The following SEC14L1 variants were observed in gnomAD, a reference collection of about 807,000 sequenced individuals.
The protein encoded by SEC14L1 is SEC14-like protein 1.
In SEC14L1, 48 loss-of-function variants were observed where a neutral mutation model predicts 85.3. The ratio of observed to expected loss-of-function variants is 0.56; its 90% CI spans 0.45 to 0.72. The LOEUF (loss-of-function observed/expected upper bound fraction) is 0.72. Ranked by LOEUF, SEC14L1 falls within the 30% of genes least tolerant of loss-of-function variation. The pLI, the probability that SEC14L1 is intolerant of heterozygous loss-of-function variation, is 0.00. For synonymous variants in SEC14L1, 391 were observed against 355.5 expected (o/e 1.10, Z -1.12); for missense variants, 682 against 921.4 (o/e 0.74, Z 3.36).
intron 3 of SEC14L1, among the ~76,000 whole-genome samples, chr17:77,134,413 C>T (rs1209413851): frequency 1.3e-5 from 2 of 152,122 alleles, no homozygotes; most frequent in Non-Finnish European, 2.9e-5. Context: ...CCATGACCAG[C>T]TAAATTTTAA....
intron 3 of SEC14L1, among the ~76,000 whole-genome samples, chr17:77,145,304 A>C (rs1973252414): frequency 6.6e-6 from 1 of 152,238 alleles, no homozygotes; most frequent in East Asian, 1.9e-4. Context: ...TATAATTTAC[A>C]TACAGTGAAA....
intron 9 of SEC14L1, among the ~76,000 whole-genome samples, chr17:77,202,348 G>A (rs1158161889): frequency 1.3e-5 from 2 of 152,042 alleles, no homozygotes; most frequent in African/African-American, 4.8e-5. Context: ...GCTGGGCGCG[G>A]TGGCTCACAC....
At position 77,208,032 on chromosome 17, in the gene SEC14L1, A is replaced by G. The variant is rs145001683; in HGVS notation, c.1476+1170A>G. On this transcript the variant is annotated intron_variant, in intron 13 of 16. Coordinates refer to ENST00000436233, the MANE Select transcript of SEC14L1 (RefSeq NM_001143998.2). ...TCAGCAGGGAGTGAAGCTCCTTTTC[A>G]GAAGGGCTCTCTAGTCATCCTTCAT... Among the ~76,000 whole-genome samples the G allele has an allele frequency of 6.6e-5, 10 of 152,304 alleles. No homozygotes were observed. In the East Asian group the frequency reaches 1.9e-3, roughly 29 times the overall value.
Position 77,214,125 on chromosome 17 carries a change from C to T in SEC14L1, c.*102C>T. ...GCGGCGACATTGTACAGACTCCTCT[C>T]ACCTCTAGATAGCAAATAGCTCTCA... On this transcript the variant is annotated 3_prime_UTR_variant, in exon 17 of 17. Coordinates refer to ENST00000436233, the MANE Select transcript of SEC14L1 (RefSeq NM_001143998.2). 6.6e-7 allele frequency: 1 copy of T among 1,504,640 alleles called. No homozygotes were observed. Among genetic ancestry groups the T allele is most frequent in the Admixed American group, 2.3e-5 (1 of 43,490 alleles). 93.2% of individuals were successfully genotyped at this position (1,504,640 alleles called of 1,614,324 possible). A position where few individuals can be genotyped will look rare whatever the true frequency, so the allele number is the denominator to read the frequency against.
intron 3 of SEC14L1, among the ~76,000 whole-genome samples, chr17:77,165,840 T>A (rs1974257753): frequency 6.6e-6 from 1 of 152,200 alleles, no homozygotes. Flanking sequence ...TTTAGGGTCA[T>A]GAGTGAGATA....
intron 3 of SEC14L1, among the ~76,000 whole-genome samples, chr17:77,163,822 C>T (rs894320383): frequency 1.3e-5 from 2 of 152,136 alleles, no homozygotes; most frequent in Admixed American, 1.3e-4. Context: ...TTCTCTATGC[C>T]CCAAGTTGCA....
chr17:77,097,576 TA>T lies in SEC14L1; in HGVS notation c.-136+4237del, dbSNP rs530432126. On this transcript the variant is annotated intron_variant, in intron 3 of 19. Transcript: ENST00000392476. The stretch of plus-strand genomic sequence containing the variant: ...AGACTCCATCTCAAGAAAAAAAATT[TA>T]AAAAAAAGAGTGCTGATTGTTAGCT... 7.8e-3 allele frequency among the ~76,000 whole-genome samples: 547 copies of T among 69,916 alleles called. 4 individuals carry two copies. Among genetic ancestry groups the T allele is most frequent in the Non-Finnish European group, 0.012 (418 of 36,240 alleles). 45.9% of individuals were successfully genotyped at this position (69,916 alleles called of 152,430 possible).
chr17:77,182,071 T>G (rs1975064001), intron 3 of SEC14L1, among the ~76,000 whole-genome samples: 1 of 152,156 alleles, frequency 6.6e-6, no homozygotes, highest in African/African-American at 2.4e-5. Flanking sequence ...TAAATGAGTT[T>G]GAGGGTCGTG....
At chr17:77,171,567 A>G (rs1465754831) in intron 3 of SEC14L1, among the ~76,000 whole-genome samples, 1 of 152,214 alleles carries the variant, frequency 6.6e-6, no homozygotes, top group Non-Finnish European at 1.5e-5. Flanking sequence ...TTGAATTATT[A>G]TGTCCCTGTG....
chr17:77,139,787 C>T (rs1213473332), upstream of SEC14L1, among the ~76,000 whole-genome samples: 1 of 152,028 alleles, frequency 6.6e-6, no homozygotes, highest in African/African-American at 2.4e-5. Flanking sequence ...CGTGAGCCAC[C>T]GCGCCCGGCC....
intron 3 of SEC14L1, among the ~76,000 whole-genome samples, chr17:77,179,364 A>C (rs942290163): frequency 1.3e-5 from 2 of 152,230 alleles, no homozygotes; most frequent in Admixed American, 6.5e-5. Context: ...CATGTGAGCA[A>C]CATGTTTACT....
At chr17:77,182,555 AT>A (rs1366282951) in intron 3 of SEC14L1, among the ~76,000 whole-genome samples, 1 of 152,124 alleles carries the variant, frequency 6.6e-6, no homozygotes, top group Non-Finnish European at 1.5e-5. Flanking sequence ...TACAGAAATA[AT>A]TTTTCCTTTA....
intron 3 of SEC14L1, chr17:77,099,107 T>C (rs1253239824): frequency 6.6e-6 from 1 of 152,170 alleles, no homozygotes; most frequent in Non-Finnish European, 1.5e-5. Flanking sequence ...AGGTCACATG[T>C]TCACAGACTG....
At chr17:77,200,110 G>T (rs1396260089) in intron 8 of SEC14L1, among the ~76,000 whole-genome samples, 5 of 152,198 alleles carry the variant, frequency 3.3e-5, no homozygotes, top group Non-Finnish European at 7.3e-5. Context: ...GGGCTGCAGT[G>T]AGCTGAGATC....
chr17:77,162,759 G>A (rs1974120409), intron 3 of SEC14L1, among the ~76,000 whole-genome samples: 2 of 151,892 alleles, frequency 1.3e-5, no homozygotes, highest in South Asian at 2.1e-4. Context: ...GAACCGGGGA[G>A]GTGGAGGTGT....
intron 3 of SEC14L1, among the ~76,000 whole-genome samples, chr17:77,175,351 C>T (rs111532256): frequency 0.029 from 4,421 of 152,290 alleles, 210 homozygotes; most frequent in African/African-American, 0.1. Context: ...GACTTTTATA[C>T]ACACTTCACA....
In SEC14L1 at chr17:77,206,712, C is replaced by A; in HGVS notation, c.1342-16C>A. 1 of 1,586,944 alleles carries A rather than the reference C, an allele frequency of 6.3e-7. No individual in the cohort carries two copies. Among genetic ancestry groups the A allele is most frequent in the Non-Finnish European group, 8.6e-7 (1 of 1,169,446 alleles). The stretch of plus-strand genomic sequence containing the variant: ...CAGCAGAGAAATATGACTGCATGGT[C>A]TTCTCCTCCTCACAGGTTAGTCCGT... On this transcript the variant is annotated splice_polypyrimidine_tract_variant and intron_variant, in intron 12 of 16. Transcript: ENST00000436233. The surrounding 1 kb of genome is among the most constrained non-coding windows in gnomAD (Gnocchi z 4.3).
chr17:77,103,033 C>G (rs544134352), intron 3 of SEC14L1, among the ~76,000 whole-genome samples: 21 of 152,168 alleles, frequency 1.4e-4, no homozygotes, highest in African/African-American at 4.8e-4. Context: ...GACTCGAACT[C>G]CTGGCTTCAA....
chr17:77,127,910 G>A (rs1972498860), intron 3 of SEC14L1: 1 of 152,374 alleles, frequency 6.6e-6, no homozygotes, highest in Admixed American at 6.5e-5. Context: ...CTAGCGAGAG[G>A]TGGCCGCAAG....
Sources: allele counts gnomAD v4.1 joint callset (sites outside exome capture counted in the v4.1 genomes callset), GRCh38; gene constraint gnomAD v4.1.1; non-coding constraint Gnocchi (gnomAD v3.1); transcripts MANE v1.5; gene names NCBI Gene and HGNC (gene_info 2026-07-23, HGNC 2026-07-21).